FAM184A: variants seen among roughly 807,000 people sequenced by gnomAD.
FAM184A encodes family with sequence similarity 184 member A.
Under a neutral mutation model 143.8 loss-of-function variants are expected in FAM184A, and 99 were observed. The observed-to-expected ratio is 0.69, with a 90% CI of 0.58 to 0.81. The LOEUF is 0.81. Among genes scored for constraint, FAM184A ranks in the 40% least tolerant of loss-of-function variants. The pLI is 0.00. For synonymous variants in FAM184A, 427 were observed against 446.4 expected (o/e 0.96, Z 0.55); for missense variants, 1,217 against 1,310.5 (o/e 0.93, Z 1.10).
intron 1 of FAM184A, among the ~76,000 whole-genome samples, chr6:119,119,975 C>G (rs1459848470): frequency 1.3e-5 from 2 of 152,228 alleles, no homozygotes; most frequent in South Asian, 4.2e-4. Context: ...CACAGCAAGA[C>G]CCTGCCCCAA....
In FAM184A at chr6:119,023,947, T is replaced by C. The variant is rs1250103310; in HGVS notation, c.1014+12A>G. 3.2e-6 allele frequency: 5 copies of C among 1,546,908 alleles called. No individual in the cohort carries two copies. The African/African-American group carries it at 4.2e-5, about 13-fold the overall frequency. Reference sequence around the variant, plus strand: ...AAAAATCCATGTGTTGAATATAATATTCTTTACTTACCTGAACATTGTTCT... The same window carrying C: ...AAAAATCCATGTGTTGAATATAATACTCTTTACTTACCTGAACATTGTTCT... On this transcript the variant is annotated intron_variant, in intron 2 of 17. Transcript: ENST00000338891.
chr6:118,964,257 T>C (rs1045598583), intron 16 of FAM184A, among the ~76,000 whole-genome samples: 12 of 152,068 alleles, frequency 7.9e-5, no homozygotes, highest in African/African-American at 2.9e-4. Flanking sequence ...ACAAAATACA[T>C]GTCCAACCCA....
At chr6:119,055,598 G>A (rs769035305) in intron 1 of FAM184A, among the ~76,000 whole-genome samples, 2 of 152,112 alleles carry the variant, frequency 1.3e-5, no homozygotes, top group African/African-American at 4.8e-5. Flanking sequence ...TGTGTGAAGT[G>A]GTATCGCACT....
chr6:119,110,057 G>A (rs1021803321), intron 1 of FAM184A, among the ~76,000 whole-genome samples: 5 of 152,140 alleles, frequency 3.3e-5, no homozygotes, highest in African/African-American at 1.2e-4. Context: ...ATAAGTCTAA[G>A]TATCGTGCTT....
chr6:119,036,191 T>C (rs1786105878), intron 1 of FAM184A, among the ~76,000 whole-genome samples: 1 of 142,940 alleles, frequency 7.0e-6, no homozygotes, highest in African/African-American at 2.6e-5. Context: ...ATGATTCACG[T>C]CTTTTTTTCC....
chr6:119,107,547 A>C (rs1442628385), intron 1 of FAM184A, among the ~76,000 whole-genome samples: 1 of 152,180 alleles, frequency 6.6e-6, no homozygotes, highest in Non-Finnish European at 1.5e-5. Flanking sequence ...GGATCACCTG[A>C]AGTCAGGAGT....
intron 12 of FAM184A, among the ~76,000 whole-genome samples, chr6:118,975,619 G>C (rs1175211455): frequency 6.6e-6 from 1 of 152,160 alleles, no homozygotes; most frequent in Non-Finnish European, 1.5e-5. Context: ...ATCTAAGGAG[G>C]CCCTCCTAAA....
At chr6:119,086,177 G>T (rs533081064) in intron 1 of FAM184A, among the ~76,000 whole-genome samples, 10 of 152,274 alleles carry the variant, frequency 6.6e-5, no homozygotes, top group African/African-American at 2.4e-4. Context: ...AACTAGTTAG[G>T]CAAGAAATCT....
At chr6:118,971,461 A>G (rs1158322461) in intron 14 of FAM184A, among the ~76,000 whole-genome samples, 1 of 152,286 alleles carries the variant, frequency 6.6e-6, no homozygotes, top group South Asian at 2.1e-4. Context: ...ATCTTTTTGC[A>G]TATTAAAAAT....
intron 1 of FAM184A, among the ~76,000 whole-genome samples, chr6:119,142,386 C>T (rs1019141513): frequency 6.6e-6 from 1 of 152,088 alleles, no homozygotes; most frequent in Non-Finnish European, 1.5e-5. Context: ...CTTCAGAGAC[C>T]AAAGGCCACA....
chr6:119,135,343 G>C (rs2114881890), intron 1 of FAM184A, among the ~76,000 whole-genome samples: 1 of 152,296 alleles, frequency 6.6e-6, no homozygotes, highest in South Asian at 2.1e-4. Flanking sequence ...GAGGGATCAG[G>C]AAGTAAATGG....
At chr6:119,098,183 A>G (rs2114830153) in intron 1 of FAM184A, among the ~76,000 whole-genome samples, 1 of 152,272 alleles carries the variant, frequency 6.6e-6, no homozygotes, top group Non-Finnish European at 1.5e-5. Flanking sequence ...TGGTTTTATA[A>G]GGGGAAACCC....
intron 1 of FAM184A, among the ~76,000 whole-genome samples, chr6:119,138,758 C>A (rs1582648757): frequency 6.6e-6 from 1 of 152,134 alleles, no homozygotes; most frequent in South Asian, 2.1e-4. Flanking sequence ...TCCTGAGTAG[C>A]TGGGATTTAC....
At chr6:119,088,868 A>G (rs552670652) in intron 1 of FAM184A, among the ~76,000 whole-genome samples, 59 of 152,264 alleles carry the variant, frequency 3.9e-4, no homozygotes, top group African/African-American at 1.3e-3. Flanking sequence ...CTAAATGACA[A>G]CTCTTCTCTT....
At chr6:118,987,604 A>T (rs1784233188) in intron 9 of FAM184A, among the ~76,000 whole-genome samples, 1 of 152,202 alleles carries the variant, frequency 6.6e-6, no homozygotes. Context: ...TCTGTTGATA[A>T]TTATAACATT....
chr6:119,052,146 T>C lies in FAM184A; in HGVS notation c.159+25995A>G, dbSNP rs144076605. On this transcript the variant is annotated intron_variant, in intron 1 of 17. Transcript: ENST00000338891. ...ATTCTCCTGTAATTCCTAAATTAGT[T>C]ACCTAACTCAAGCATAATTCAAAGA... is the stretch of plus-strand genomic sequence containing the variant. Among the ~76,000 whole-genome samples, 10 of 152,356 alleles carry C rather than the reference T, an allele frequency of 6.6e-5. No individual in the cohort carries two copies. The East Asian group carries it at 1.7e-3, about 26-fold the overall frequency.
At chr6:118,994,035 C>CA (rs1406766538) in intron 9 of FAM184A, among the ~76,000 whole-genome samples, 1 of 152,198 alleles carries the variant, frequency 6.6e-6, no homozygotes, top group African/African-American at 2.4e-5. Flanking sequence ...GCTGTGCACA[C>CA]ACTGCCCGCT....
chr6:119,107,668 C>T (rs1469716065), intron 1 of FAM184A, among the ~76,000 whole-genome samples: 2 of 151,806 alleles, frequency 1.3e-5, no homozygotes, highest in African/African-American at 4.8e-5. Flanking sequence ...ATTCCAGCTA[C>T]TCGGGAGGCT....
At chr6:119,115,970 A>AACACAC (rs66707302) in intron 1 of FAM184A, among the ~76,000 whole-genome samples, 5,102 of 137,342 alleles carry the variant, frequency 0.037, 230 homozygotes, top group African/African-American at 0.1. Context: ...CTCCGTCTCA[A>AACACAC]ACACACACAC....
Sources: gnomAD v4.1 joint callset for allele counts (sites outside exome capture counted in the v4.1 genomes callset) on GRCh38, gnomAD v4.1.1 for gene constraint, MANE v1.5 for transcripts, NCBI Gene and HGNC (gene_info 2026-07-23, HGNC 2026-07-21) for gene names.